The following NOVA2 variants were observed in gnomAD, a reference collection of about 807,000 sequenced individuals.
NOVA2 encodes RNA-binding protein Nova-2.
A neutral mutation model predicts 22.5 loss-of-function variants in NOVA2; 9 were observed. That is an observed-to-expected ratio of 0.40 (90% confidence interval 0.24 to 0.70). The LOEUF is 0.70. NOVA2 is among the 30% of genes least tolerant of loss of function. NOVA2 has a pLI of 0.38. For missense variants in NOVA2, 383 were observed against 682.8 expected, an observed-to-expected ratio of 0.56 and a Z score of 4.89; for synonymous variants, 318 against 335.2, an observed-to-expected ratio of 0.95 and a Z score of 0.56.
chr19:45,941,341 T>G (rs1024510907), intron 3 of NOVA2, among the ~76,000 whole-genome samples: 1 of 151,234 alleles, frequency 6.6e-6, no homozygotes, highest in East Asian at 1.9e-4. Flanking sequence ...ATTTTGTCTA[T>G]CTATATTAGT....
chr19:45,953,675 A>G, intron 3 of NOVA2, 105 bp downstream of exon 3: 1 of 1,392,412 alleles, frequency 7.2e-7, no homozygotes, highest in South Asian at 1.3e-5. Context: ...TGAGATTTTT[A>G]TCAGCTTTGT....
At chr19:45,949,467 A>G (rs773715044) in intron 3 of NOVA2, among the ~76,000 whole-genome samples, 2 of 152,192 alleles carry the variant, frequency 1.3e-5, no homozygotes, top group African/African-American at 2.4e-5. Context: ...AGATTGGCCA[A>G]GAAAAGGTTT....
At chr19:45,952,691 G>C (rs1194018455) in intron 3 of NOVA2, among the ~76,000 whole-genome samples, 1 of 152,218 alleles carries the variant, frequency 6.6e-6, no homozygotes, top group East Asian at 1.9e-4. Flanking sequence ...CGCTGCTGGT[G>C]GGAAGGGATT....
intron 1 of NOVA2, among the ~76,000 whole-genome samples, chr19:45,970,143 T>C (rs919697929): frequency 1.3e-4 from 20 of 152,310 alleles, no homozygotes; most frequent in Admixed American, 3.9e-4. Context: ...CCTCAGTTTT[T>C]CATCTGTAAC....
intron 1 of NOVA2, among the ~76,000 whole-genome samples, chr19:45,964,561 A>ATCTGTCTCTCTC (rs1555806792): frequency 7.3e-6 from 1 of 137,002 alleles, no homozygotes; most frequent in Non-Finnish European, 1.5e-5. Flanking sequence ...ACACTCTCTG[A>ATCTGTCTCTCTC]TCTCTCTCTC....
chr19:45,964,561 A>ATCCCTCTCTCTC (rs1555806791), intron 1 of NOVA2, among the ~76,000 whole-genome samples: 1 of 137,002 alleles, frequency 7.3e-6, no homozygotes, highest in Non-Finnish European at 1.5e-5. Flanking sequence ...ACACTCTCTG[A>ATCCCTCTCTCTC]TCTCTCTCTC....
At chr19:45,943,991 C>T (rs563454757) in intron 3 of NOVA2, among the ~76,000 whole-genome samples, 3 of 152,122 alleles carry the variant, frequency 2.0e-5, no homozygotes, top group Non-Finnish European at 4.4e-5. Context: ...GAAAACCTGG[C>T]GTCAGTAGCA....
intron 3 of NOVA2, among the ~76,000 whole-genome samples, chr19:45,949,981 T>C (rs1967899450): frequency 6.6e-6 from 1 of 151,774 alleles, no homozygotes; most frequent in African/African-American, 2.4e-5. Flanking sequence ...CCTCAAGTAA[T>C]CCGCCCACCT....
intron 2 of NOVA2, among the ~76,000 whole-genome samples, chr19:45,960,402 G>A (rs1387622089): frequency 1.3e-5 from 2 of 149,742 alleles, no homozygotes; most frequent in Non-Finnish European, 3.0e-5. Flanking sequence ...TGAGGGGAGG[G>A]ACAGGGAAAG....
intron 3 of NOVA2, among the ~76,000 whole-genome samples, chr19:45,948,431 C>G (rs1289022027): frequency 6.6e-6 from 1 of 151,848 alleles, no homozygotes; most frequent in Non-Finnish European, 1.5e-5. Context: ...AACCCCGTCT[C>G]TACTAAAAAT....
At chr19:45,972,052 TC>T (rs1484432924) in intron 1 of NOVA2, among the ~76,000 whole-genome samples, 3 of 151,888 alleles carry the variant, frequency 2.0e-5, no homozygotes, top group Non-Finnish European at 4.4e-5. Flanking sequence ...TGCAGAATCA[TC>T]CCCATATCTC....
rs1182677043 is a variant in NOVA2 at position 45,937,945 on chromosome 19, A to C, written c.*1918T>G. 6.6e-6 allele frequency: 1 copy of C among 151,918 alleles called. No individual in the cohort carries two copies. Among genetic ancestry groups the C allele is most frequent in the Non-Finnish European group, 1.5e-5 (1 of 68,014 alleles). The allele number at this position is 151,918 out of a possible 1,614,324, so 9.4% of individuals were successfully genotyped here. ...TTTCTTCCCTCCTTTTTTAGGAGAG[A>C]GACAAGGAGGCTGGATTTCCCCCAA... On this transcript the variant is annotated 3_prime_UTR_variant, in exon 4 of 4. Coordinates refer to ENST00000263257, the MANE Select transcript of NOVA2 (RefSeq NM_002516.4).
At chr19:45,947,245 T>C (rs946180112) in intron 3 of NOVA2, among the ~76,000 whole-genome samples, 7 of 152,150 alleles carry the variant, frequency 4.6e-5, no homozygotes, top group East Asian at 1.9e-4. Context: ...TGGAACACAG[T>C]AGATACTCAG....
chr19:45,955,789 C>T lies in NOVA2; in HGVS notation c.230-1843G>A, dbSNP rs192623332. Among the ~76,000 whole-genome samples the T allele has an allele frequency of 4.0e-5, 6 of 151,380 alleles. No individual in the cohort carries two copies. In the East Asian group the frequency reaches 5.8e-4, roughly 15 times the overall value. On this transcript the variant is annotated intron_variant, in intron 2 of 3. Transcript: ENST00000263257. ...AGGAGAATCGCTTGAACCTGGGAGG[C>T]GGAGGTTGCAGTGAGCCGAGATCAT...
chr19:45,960,809 T>C (rs1175345492), intron 2 of NOVA2, among the ~76,000 whole-genome samples: 3 of 152,124 alleles, frequency 2.0e-5, no homozygotes, highest in African/African-American at 4.8e-5. Context: ...GCCCGTTGTC[T>C]TGCCCTGCCC....
intron 1 of NOVA2, among the ~76,000 whole-genome samples, chr19:45,965,161 G>T (rs8108359): frequency 6.6e-6 from 1 of 151,922 alleles, no homozygotes; most frequent in South Asian, 2.1e-4. Flanking sequence ...ACAGATAAGG[G>T]GTCCTTTATC....
At chr19:45,947,851 C>T (rs772971619) in intron 3 of NOVA2, among the ~76,000 whole-genome samples, 2 of 152,044 alleles carry the variant, frequency 1.3e-5, no homozygotes, top group Non-Finnish European at 2.9e-5. Flanking sequence ...ATGTACTAGC[C>T]AGGCTACCCA....
chr19:45,964,973 A>G (rs1968151006), intron 1 of NOVA2, among the ~76,000 whole-genome samples: 1 of 152,128 alleles, frequency 6.6e-6, no homozygotes, highest in African/African-American at 2.4e-5. Context: ...TCCAGAATTA[A>G]GGAGTTTCCT....
intron 1 of NOVA2, among the ~76,000 whole-genome samples, chr19:45,968,882 G>A (rs1275111651): frequency 6.6e-6 from 1 of 152,158 alleles, no homozygotes; most frequent in Admixed American, 6.5e-5. Flanking sequence ...AATGTGGCCG[G>A]GCGTGCTGGC....
Sources: allele counts gnomAD v4.1 joint callset (sites outside exome capture counted in the v4.1 genomes callset), GRCh38; gene constraint gnomAD v4.1.1; transcripts MANE v1.5; gene names NCBI Gene and HGNC (gene_info 2026-07-23, HGNC 2026-07-21).